The following CNTNAP4 variants were observed in gnomAD, a reference collection of about 807,000 sequenced individuals.
The protein encoded by CNTNAP4 is contactin associated protein family member 4, also known as contactin-associated protein-like 4.
Under a neutral mutation model 148.4 loss-of-function variants are expected in CNTNAP4, and 98 were observed. That is an observed-to-expected ratio of 0.66 (90% CI 0.56 to 0.78). The LOEUF (loss-of-function observed/expected upper bound fraction) is 0.78. CNTNAP4 is among the 30% of genes least tolerant of loss of function. The pLI is 0.00. For missense variants in CNTNAP4, 1,935 were observed against 1,565.6 expected, an observed-to-expected ratio of 1.24 and a Z score of -3.98; for synonymous variants, 730 against 565.1, an observed-to-expected ratio of 1.29 and a Z score of -4.14.
chr16:76,461,865 C>T, intron 8 of CNTNAP4, 91 bp from the exon 9 acceptor site: 1 of 1,038,044 alleles, frequency 9.6e-7, no homozygotes, highest in South Asian at 1.5e-5. Flanking sequence ...AGTACTGTAG[C>T]CAATTGAGTG....
At chr16:76,408,027 A>T (rs2078658969) in intron 3 of CNTNAP4, among the ~76,000 whole-genome samples, 1 of 152,126 alleles carries the variant, frequency 6.6e-6, no homozygotes, top group Non-Finnish European at 1.5e-5. Flanking sequence ...GAAAAAGATT[A>T]AAATTTACTG....
At chr16:76,474,869 C>G (rs74025016) in intron 10 of CNTNAP4, among the ~76,000 whole-genome samples, 12,392 of 152,076 alleles carry the variant, frequency 0.081, 1,513 homozygotes, top group African/African-American at 0.27. Flanking sequence ...AATGCCATAA[C>G]AACTTAGGAG....
At chr16:76,345,088 C>A (rs920577958) in intron 2 of CNTNAP4, among the ~76,000 whole-genome samples, 6 of 152,162 alleles carry the variant, frequency 3.9e-5, no homozygotes, top group African/African-American at 1.4e-4. Context: ...GGTCTCTTGG[C>A]AAAGACACCT....
intron 3 of CNTNAP4, among the ~76,000 whole-genome samples, chr16:76,404,990 A>T (rs2078551755): frequency 6.6e-6 from 1 of 152,164 alleles, no homozygotes; most frequent in African/African-American, 2.4e-5. Flanking sequence ...CCCCATAAAT[A>T]TGCACAATTA....
chr16:76,371,133 A>G (rs2014771441), intron 3 of CNTNAP4, among the ~76,000 whole-genome samples: 2 of 152,188 alleles, frequency 1.3e-5, no homozygotes, highest in Non-Finnish European at 1.5e-5. Context: ...TATGTGTTAG[A>G]GTTCAAAACA....
Position 76,376,907 on chromosome 16 carries a change from T to TTGTGTGTGTGTG in CNTNAP4, c.390+21432_390+21443dup, listed in dbSNP as rs5817987. ...TCCAGAGAAACAAAACTAACAAGGT[T>TTGTGTGTGTGTG]TGTGTGTGTGTGTGTGTGTGTGTGT... On this transcript the variant is annotated intron_variant, in intron 3 of 23. Transcript: ENST00000611870. Among the ~76,000 whole-genome samples, 838 of 143,510 alleles carry TTGTGTGTGTGTG rather than the reference T, an allele frequency of 5.8e-3. 6 individuals carry two copies. Among genetic ancestry groups the TTGTGTGTGTGTG allele is most frequent in the East Asian group, 0.015 (69 of 4,700 alleles). 94.1% of individuals were successfully genotyped at this position (143,510 alleles called of 152,430 possible).
At chr16:76,467,638 G>A in intron 10 of CNTNAP4, 115 bp downstream of exon 10, 3 of 855,890 alleles carry the variant, frequency 3.5e-6, no homozygotes, top group Non-Finnish European at 5.2e-6. Flanking sequence ...CTGTTCCACA[G>A]GAAATGAATT....
At chr16:76,307,503 C>CATATATAT (rs6145898) in intron 1 of CNTNAP4, among the ~76,000 whole-genome samples, 3,831 of 91,026 alleles carry the variant, frequency 0.042, 295 homozygotes, top group Non-Finnish European at 0.051. Flanking sequence ...ATTTTAAATG[C>CATATATAT]ATATATATAT....
chr16:76,495,131 A>G (rs1046846323), intron 14 of CNTNAP4, 65 bp downstream of exon 14: 3 of 1,543,608 alleles, frequency 1.9e-6, no homozygotes, highest in Admixed American at 3.4e-5. Context: ...CACTCAAAGT[A>G]TGTATAGCTA....
At chr16:76,461,079 A>T (rs1169278567) in intron 8 of CNTNAP4, among the ~76,000 whole-genome samples, 1 of 151,998 alleles carries the variant, frequency 6.6e-6, no homozygotes, top group Non-Finnish European at 1.5e-5. Context: ...GCGTGAATGA[A>T]ACTTATCTAA....
intron 10 of CNTNAP4, among the ~76,000 whole-genome samples, chr16:76,474,309 A>G (rs1178390200): frequency 6.6e-6 from 1 of 152,186 alleles, no homozygotes; most frequent in African/African-American, 2.4e-5. Flanking sequence ...GAGAAGATTT[A>G]CATCTGAAGG....
chr16:76,528,666 C>G (rs554928748), intron 17 of CNTNAP4, among the ~76,000 whole-genome samples: 1 of 152,150 alleles, frequency 6.6e-6, no homozygotes, highest in East Asian at 1.9e-4. Flanking sequence ...ACCCTCTCTG[C>G]TAAAAGCCGG....
intron 8 of CNTNAP4, among the ~76,000 whole-genome samples, chr16:76,456,537 C>T (rs182474961): frequency 6.6e-6 from 1 of 152,214 alleles, no homozygotes; most frequent in African/African-American, 2.4e-5. Context: ...TATAAGTAGT[C>T]ATGATTTTTC....
chr16:76,317,186 T>C (rs149079305), intron 2 of CNTNAP4, among the ~76,000 whole-genome samples: 7 of 148,892 alleles, frequency 4.7e-5, no homozygotes, highest in African/African-American at 1.7e-4. Context: ...AACTCAGAAG[T>C]TGGAGACAGT....
At chr16:76,507,799 A>G (rs1198391189) in intron 15 of CNTNAP4, among the ~76,000 whole-genome samples, 1 of 96,564 alleles carries the variant, frequency 1.0e-5, no homozygotes, top group African/African-American at 2.6e-5. Context: ...AGCAAGAAGA[A>G]GTCTACAGAG....
chr16:76,400,170 T>A (rs1159156536), intron 3 of CNTNAP4, among the ~76,000 whole-genome samples: 1 of 152,140 alleles, frequency 6.6e-6, no homozygotes, highest in African/African-American at 2.4e-5. Context: ...AAGGAGCCAG[T>A]CAAGGCTATG....
At chr16:76,473,146 C>G (rs1202830124) in intron 10 of CNTNAP4, among the ~76,000 whole-genome samples, 2 of 152,098 alleles carry the variant, frequency 1.3e-5, no homozygotes, top group Admixed American at 6.5e-5. Context: ...AATCCTGACA[C>G]ATTTTTAATG....
intron 3 of CNTNAP4, among the ~76,000 whole-genome samples, chr16:76,414,563 G>A (rs2078912240): frequency 6.6e-6 from 1 of 151,172 alleles, no homozygotes; most frequent in Non-Finnish European, 1.5e-5. Context: ...AGCATTCTCT[G>A]TTTTTCTGCT....
chr16:76,396,282 G>C lies in CNTNAP4; in HGVS notation c.391-31170G>C, dbSNP rs141682487. On this transcript the variant is annotated intron_variant, in intron 3 of 23. Coordinates refer to ENST00000611870, the MANE Select transcript of CNTNAP4 (RefSeq NM_033401.5). Reference sequence around the variant, plus strand: ...AAGAACAGCAAATGTATTGATTGCAGTAACAGTTACTGCTGCTGCTCACAA... The same window carrying C: ...AAGAACAGCAAATGTATTGATTGCACTAACAGTTACTGCTGCTGCTCACAA... 3.3e-3 allele frequency among the ~76,000 whole-genome samples: 505 copies of C among 152,286 alleles called. 2 individuals are homozygous for C. The highest frequency in any genetic ancestry group is 0.011 in the African/African-American group (476 of 41,570).
Sources: gnomAD v4.1 joint callset for allele counts (sites outside exome capture counted in the v4.1 genomes callset) on GRCh38, gnomAD v4.1.1 for gene constraint, MANE v1.5 for transcripts, NCBI Gene and HGNC (gene_info 2026-07-23, HGNC 2026-07-21) for gene names.